Variants in AKAP6 observed in about 807,000 individuals in gnomAD.
AKAP6 encodes A-kinase anchor protein 6.
AKAP6 carries 58 observed loss-of-function variants against 188.5 expected under a neutral mutation model. The observed-to-expected ratio is 0.31, with a 90% CI of 0.25 to 0.38. AKAP6 has a LOEUF of 0.38. Among genes scored for constraint, AKAP6 ranks in the 10% least tolerant of loss-of-function variants. AKAP6 has a pLI of 1.00. For missense variants in AKAP6, 2,710 were observed against 2,740.0 expected (o/e 0.99, Z 0.24); for synonymous variants, 989 against 998.6 (o/e 0.99, Z 0.18).
intron 11 of AKAP6, among the ~76,000 whole-genome samples, chr14:32,763,431 T>A (rs1319526110): frequency 6.6e-6 from 1 of 152,146 alleles, no homozygotes; most frequent in Non-Finnish European, 1.5e-5. Flanking sequence ...GACAGTGTTA[T>A]GCTTTTAAAA....
At chr14:32,776,102 A>G (rs2033052781) in intron 12 of AKAP6, among the ~76,000 whole-genome samples, 1 of 152,194 alleles carries the variant, frequency 6.6e-6, no homozygotes, top group Non-Finnish European at 1.5e-5. Flanking sequence ...AGAGAATCAG[A>G]ATCCTCTAAG....
intron 4 of AKAP6, among the ~76,000 whole-genome samples, chr14:32,558,808 G>C (rs947857689): frequency 5.3e-5 from 8 of 152,126 alleles, no homozygotes; most frequent in Admixed American, 5.2e-4. Context: ...CTCACAAGAA[G>C]GGGAAAATGG....
chr14:32,740,008 C>G (rs1055482379), intron 11 of AKAP6, among the ~76,000 whole-genome samples: 2 of 152,066 alleles, frequency 1.3e-5, no homozygotes, highest in African/African-American at 4.8e-5. Flanking sequence ...ACAAAAGTTC[C>G]CTTTTCTCCA....
At chr14:32,606,682 G>A (rs914111060) in intron 7 of AKAP6, among the ~76,000 whole-genome samples, 2 of 139,912 alleles carry the variant, frequency 1.4e-5, no homozygotes, top group African/African-American at 2.8e-5. Flanking sequence ...TTAGTGAAAG[G>A]AGACAGAGAG....
At chr14:32,765,789 G>A (rs2032699351) in intron 11 of AKAP6, among the ~76,000 whole-genome samples, 1 of 151,202 alleles carries the variant, frequency 6.6e-6, no homozygotes, top group African/African-American at 2.4e-5. Context: ...CATAGTGATT[G>A]TATGGTATTA....
chr14:32,445,719 C>A (rs1370941175), intron 2 of AKAP6, among the ~76,000 whole-genome samples: 1 of 152,130 alleles, frequency 6.6e-6, no homozygotes, highest in Non-Finnish European at 1.5e-5. Flanking sequence ...ATAACATAAT[C>A]ATAGACACAG....
chr14:32,464,214 A>C (rs1878255256), intron 2 of AKAP6, among the ~76,000 whole-genome samples: 1 of 152,216 alleles, frequency 6.6e-6, no homozygotes, highest in South Asian at 2.1e-4. Flanking sequence ...AAACAATAGA[A>C]AAAGAGGGAA....
chr14:32,359,744 C>T (rs2138481639), intron 1 of AKAP6, among the ~76,000 whole-genome samples: 2 of 152,124 alleles, frequency 1.3e-5, no homozygotes, highest in East Asian at 3.9e-4. Flanking sequence ...TGTAAAATGT[C>T]CTTCAATTTG....
intron 2 of AKAP6, among the ~76,000 whole-genome samples, chr14:32,509,404 T>C (rs1881056988): frequency 6.6e-6 from 1 of 152,262 alleles, no homozygotes; most frequent in South Asian, 2.1e-4. Context: ...GTACCTACTT[T>C]GTACCAAGCA....
At chr14:32,829,763 T>G in intron 13 of AKAP6, 85 bp from the exon 14 acceptor site, 1 of 616,944 alleles carries the variant, frequency 1.6e-6, no homozygotes, top group Non-Finnish European at 2.9e-6. Flanking sequence ...AATTGCAGCC[T>G]TCAATGGTTC....
intron 11 of AKAP6, among the ~76,000 whole-genome samples, chr14:32,739,544 C>G (rs1423303020): frequency 2.0e-5 from 3 of 151,948 alleles, no homozygotes; most frequent in African/African-American, 7.2e-5. Context: ...CCTCTGGTAA[C>G]CATCCCCCCT....
intron 12 of AKAP6, among the ~76,000 whole-genome samples, chr14:32,786,420 G>GCC (rs1452099051): frequency 1.4e-5 from 2 of 146,096 alleles, no homozygotes; most frequent in Non-Finnish European, 1.5e-5. Context: ...CCATTCTCCT[G>GCC]CCCCAGCCTC....
chr14:32,685,243 G>A (rs1889859362), intron 8 of AKAP6, among the ~76,000 whole-genome samples: 1 of 152,064 alleles, frequency 6.6e-6, no homozygotes, highest in South Asian at 2.1e-4. Flanking sequence ...CAACCTGGGA[G>A]ACAGACTGAA....
chr14:32,786,487 A>ATAT (rs2033424698), intron 12 of AKAP6, among the ~76,000 whole-genome samples: 1 of 102,590 alleles, frequency 9.7e-6, no homozygotes, highest in Non-Finnish European at 2.2e-5. Context: ...ATTTTATTTT[A>ATAT]TTTTATTTTT....
chr14:32,448,652 T>C (rs1467532403), intron 2 of AKAP6, among the ~76,000 whole-genome samples: 1 of 152,220 alleles, frequency 6.6e-6, no homozygotes, highest in African/African-American at 2.4e-5. Flanking sequence ...TGATGAAAAC[T>C]ATAAACTGTC....
intron 11 of AKAP6, among the ~76,000 whole-genome samples, chr14:32,754,450 A>C (rs1377747455): frequency 6.6e-6 from 1 of 152,168 alleles, no homozygotes; most frequent in Non-Finnish European, 1.5e-5. Flanking sequence ...TATGTAATGT[A>C]AAATGTATTC....
At chr14:32,385,309 A>G (rs1888494593) in intron 1 of AKAP6, among the ~76,000 whole-genome samples, 3 of 152,022 alleles carry the variant, frequency 2.0e-5, no homozygotes, top group African/African-American at 7.2e-5. Flanking sequence ...CTTCCCCTTT[A>G]TCTTTTGATG....
At chr14:32,349,911 T>C (rs1486151937) in intron 1 of AKAP6, among the ~76,000 whole-genome samples, 3 of 152,158 alleles carry the variant, frequency 2.0e-5, no homozygotes, top group African/African-American at 4.8e-5. Flanking sequence ...TGAAGAGACA[T>C]AGGAGCCAAG....
chr14:32,665,065 C>A (rs898567872), intron 7 of AKAP6, among the ~76,000 whole-genome samples: 11 of 152,102 alleles, frequency 7.2e-5, no homozygotes, highest in African/African-American at 2.4e-4. Context: ...TTCCTCTACT[C>A]TCACACCACA....
Sources: allele counts gnomAD v4.1 joint callset (sites outside exome capture counted in the v4.1 genomes callset), GRCh38; gene constraint gnomAD v4.1.1; transcripts MANE v1.5; gene names NCBI Gene and HGNC (gene_info 2026-07-23, HGNC 2026-07-21).